The following BFSP1 variants were observed in gnomAD, a reference collection of about 807,000 sequenced individuals.
BFSP1 encodes beaded filament structural protein 1, also known as filensin.
BFSP1 carries 38 observed loss-of-function variants against 43.9 expected under a neutral mutation model. The ratio of observed to expected loss-of-function variants is 0.87; its 90% confidence interval spans 0.67 to 1.14. The LOEUF (loss-of-function observed/expected upper bound fraction) is 1.14, where lower values mean the gene tolerates loss of function less well. Ranked by LOEUF, BFSP1 falls within the 50% of genes most tolerant of loss-of-function variation. The pLI, the probability that BFSP1 is intolerant of heterozygous loss-of-function variation, is 0.00. For synonymous variants in BFSP1, 352 were observed against 354.8 expected, an observed-to-expected ratio of 0.99 and a Z score of 0.09; for missense variants, 850 against 875.1, an observed-to-expected ratio of 0.97 and a Z score of 0.36.
chr20:17,546,812 T>TCAGGAGTTCGAGAC (rs1181330409), intron 1 of BFSP1, among the ~76,000 whole-genome samples: 1 of 151,268 alleles, frequency 6.6e-6, no homozygotes, highest in African/African-American at 2.4e-5. Context: ...GATCTCGAGG[T>TCAGGAGTTCGAGAC]CAGGAGTTCG....
chr20:17,501,438 GC>G (rs1444337544), intron 5 of BFSP1, among the ~76,000 whole-genome samples: 2 of 152,062 alleles, frequency 1.3e-5, no homozygotes, highest in African/African-American at 4.8e-5. Flanking sequence ...GGTGGCTGGT[GC>G]CTGTAATCCC....
chr20:17,497,595 T>A (rs1397342826), intron 6 of BFSP1, among the ~76,000 whole-genome samples: 1 of 77,922 alleles, frequency 1.3e-5, no homozygotes, highest in African/African-American at 7.9e-5. Flanking sequence ...TATATATACG[T>A]GTATATATAT....
At position 17,494,989 on chromosome 20, in the gene BFSP1, T is replaced by G; in HGVS notation, c.1083A>C (p.Pro361=). 6.2e-7 allele frequency: 1 copy of G among 1,613,910 alleles called. No homozygotes were observed. The highest frequency in any genetic ancestry group is 8.5e-7 in the Non-Finnish European group (1 of 1,179,994). Reference sequence around the variant, plus strand: ...CATTCTTGGGGAGGGCTTTTTGTCTTGGTTTTGCTGCTGTTATATCCTGCA... The same window carrying G: ...CATTCTTGGGGAGGGCTTTTTGTCTGGGTTTTGCTGCTGTTATATCCTGCA... ...RALQDITAAK[P]RQKALPKNVP... The change falls in exon 8 of 8, where the codon CCA becomes CCC. Residue 361 remains proline, a synonymous_variant. Transcript: ENST00000377873.
intron 5 of BFSP1, among the ~76,000 whole-genome samples, chr20:17,504,051 G>T (rs1196412462): frequency 1.3e-5 from 2 of 152,116 alleles, no homozygotes; most frequent in Non-Finnish European, 2.9e-5. Context: ...GGAGGGATGG[G>T]GTGTTTTCTT....
intron 1 of BFSP1, among the ~76,000 whole-genome samples, chr20:17,539,812 C>T (rs887118391): frequency 1.1e-4 from 17 of 152,050 alleles, no homozygotes; most frequent in Middle Eastern, 6.8e-3. Flanking sequence ...TTTGGGCTGT[C>T]CATTGTTTTG....
chr20:17,505,993 C>CT (rs999636459), intron 5 of BFSP1, among the ~76,000 whole-genome samples: 5 of 152,146 alleles, frequency 3.3e-5, no homozygotes, highest in Non-Finnish European at 5.9e-5. Flanking sequence ...ATCAGTTACC[C>CT]TTTTTTAAGG....
intron 1 of BFSP1, among the ~76,000 whole-genome samples, chr20:17,564,163 T>C (rs2035094174): frequency 6.6e-6 from 1 of 151,832 alleles, no homozygotes; most frequent in South Asian, 2.1e-4. Context: ...CAAGACTCTG[T>C]CTTTACATAC....
intron 1 of BFSP1, among the ~76,000 whole-genome samples, chr20:17,537,472 T>G (rs906143032): frequency 6.6e-6 from 1 of 150,910 alleles, no homozygotes; most frequent in Non-Finnish European, 1.5e-5. Flanking sequence ...CTCTGAAGAG[T>G]TGCTGGAAAA....
At chr20:17,556,582 T>G (rs950985804) in intron 1 of BFSP1, among the ~76,000 whole-genome samples, 5 of 152,082 alleles carry the variant, frequency 3.3e-5, no homozygotes, top group Admixed American at 6.6e-5. Context: ...TATCTATCTA[T>G]CGTGTGTGTA....
chr20:17,502,174 T>C (rs1197991521), intron 5 of BFSP1, among the ~76,000 whole-genome samples: 1 of 130,706 alleles, frequency 7.7e-6, no homozygotes, highest in Non-Finnish European at 1.7e-5. Context: ...CCTGCTCCTT[T>C]GGAAAAAAAA....
At chr20:17,506,198 C>T (rs1260309852) in intron 5 of BFSP1, among the ~76,000 whole-genome samples, 1 of 152,184 alleles carries the variant, frequency 6.6e-6, no homozygotes, top group Non-Finnish European at 1.5e-5. Context: ...ACAGGGTCCT[C>T]ACTCCTGCCA....
chr20:17,530,103 T>C (rs2034502267), intron 1 of BFSP1, among the ~76,000 whole-genome samples: 1 of 152,226 alleles, frequency 6.6e-6, no homozygotes, highest in South Asian at 2.1e-4. Context: ...ATTCTGATTC[T>C]GGAGTTCTAG....
chr20:17,516,829 G>T, intron 2 of BFSP1: 1 of 607,528 alleles, frequency 1.6e-6, no homozygotes, highest in East Asian at 2.7e-5. Context: ...ACCTGCAGTG[G>T]AGCTGCCACC....
At chr20:17,511,954 CT>C in intron 4 of BFSP1, 21 bp downstream of exon 4, 1 of 1,574,754 alleles carries the variant, frequency 6.4e-7, no homozygotes, top group Non-Finnish European at 8.7e-7. Context: ...GCTGGTTTGC[CT>C]TTTCCTGCTT....
intron 1 of BFSP1, among the ~76,000 whole-genome samples, chr20:17,547,924 T>G (rs1311020990): frequency 1.4e-5 from 2 of 143,906 alleles, no homozygotes; most frequent in East Asian, 2.0e-4. Context: ...TTTTTTGTAT[T>G]TTTAGTAGAG....
At chr20:17,504,371 C>T (rs1600639395) in intron 5 of BFSP1, among the ~76,000 whole-genome samples, 1 of 152,238 alleles carries the variant, frequency 6.6e-6, no homozygotes, top group South Asian at 2.1e-4. Context: ...GTAAGAGCTC[C>T]TGTCTCAGGA....
chr20:17,514,459 A>G (rs1255580557), intron 3 of BFSP1, among the ~76,000 whole-genome samples: 1 of 152,216 alleles, frequency 6.6e-6, no homozygotes, highest in Non-Finnish European at 1.5e-5. Context: ...ATATAAAATC[A>G]CTTTGTAAAT....
At chr20:17,535,166 A>T (rs1481527944), upstream of BFSP1, among the ~76,000 whole-genome samples, 5 of 152,224 alleles carry the variant, frequency 3.3e-5, no homozygotes, top group Non-Finnish European at 7.3e-5. Flanking sequence ...TTGTATCAAG[A>T]TTAAATTTAC....
At position 17,564,549 on chromosome 20, in the gene BFSP1, CTAAACTACCACTTCTTTGATTCATT is replaced by C. The variant is rs1460987542; in HGVS notation, n.51-1479_51-1455del. On this transcript the variant is annotated intron_variant and non_coding_transcript_variant, in intron 1 of 6. Coordinates refer to the BFSP1 transcript ENST00000473415. ...TACTTGTAACTAAACACAACCCTTA[CTAAACTACCACTTCTTTGATTCATT>C]TAAACTACTACTTCTTCTTCTTCTT... Among the ~76,000 whole-genome samples, 8 of 152,242 alleles carry C rather than the reference CTAAACTACCACTTCTTTGATTCATT, an allele frequency of 5.3e-5. No homozygotes were observed. The East Asian group carries it at 1.2e-3, about 22-fold the overall frequency.
Sources: gnomAD v4.1 joint callset for allele counts (sites outside exome capture counted in the v4.1 genomes callset) on GRCh38, gnomAD v4.1.1 for gene constraint, MANE v1.5 for transcripts, NCBI Gene and HGNC (gene_info 2026-07-23, HGNC 2026-07-21) for gene names.